The following PYGB variants were observed in gnomAD, a reference collection of about 807,000 sequenced individuals.
The protein encoded by PYGB is glycogen phosphorylase, brain form.
A neutral mutation model predicts 94.3 loss-of-function variants in PYGB; 82 were observed. The observed-to-expected ratio is 0.87, with a 90% CI of 0.73 to 1.04. PYGB has a LOEUF of 1.04. Among genes scored for constraint, PYGB ranks in the 50% least tolerant of loss-of-function variants. The probability of loss-of-function intolerance (pLI) is 0.00; values close to 1 mark genes in which losing one functional copy is unlikely to be tolerated. For synonymous variants in PYGB, 488 were observed against 479.1 expected (o/e 1.02, Z -0.24); for missense variants, 1,132 against 1,158.2 (o/e 0.98, Z 0.33).
intron 13 of PYGB, among the ~76,000 whole-genome samples, chr20:25,283,591 C>T (rs955007323): frequency 3.3e-5 from 5 of 152,232 alleles, no homozygotes; most frequent in Non-Finnish European, 5.9e-5. Flanking sequence ...CTCTAGAAGC[C>T]GATTCCAGCG....
rs750606784 is a variant in PYGB at position 25,280,407 on chromosome 20, C to T, written c.1234C>T (p.Leu412=). The T allele has an allele frequency of 1.9e-6, 3 of 1,613,954 alleles. No individual in the cohort carries two copies. Among genetic ancestry groups the T allele is most frequent in the African/African-American group, 1.3e-5 (1 of 74,948 alleles). The change falls in exon 10 of 20, where the codon CTG becomes TTG. Residue 412 remains leucine, a synonymous_variant. Transcript: ENST00000216962. ...EIIYAINQRH[L]DHVAALFPGD... ...AATCTATGCCATCAACCAGCGGCAC[C>T]TGGACGTGAGTGTGGGCCCAGCTGG... is the stretch of plus-strand genomic sequence containing the variant.
At chr20:25,292,647 TGAG>T (rs1439642368) in intron 17 of PYGB, 34 bp downstream of exon 17, 3 of 1,598,500 alleles carry the variant, frequency 1.9e-6, no homozygotes, top group East Asian at 2.2e-5. Flanking sequence ...CCTGGCACCG[TGAG>T]GATGGAGAAT....
chr20:25,268,161 G>GCCCCCCCCCC (rs11471520), intron 2 of PYGB, among the ~76,000 whole-genome samples: 1 of 62,036 alleles, frequency 1.6e-5, no homozygotes, highest in African/African-American at 6.4e-5. Flanking sequence ...CCTAGCACCC[G>GCCCCCCCCCC]CCCCCCCCCC....
At chr20:25,280,005 T>G (rs2261720) in intron 9 of PYGB, among the ~76,000 whole-genome samples, 68,926 of 152,168 alleles carry the variant, frequency 0.45, 16,224 homozygotes, top group East Asian at 0.92. Context: ...TAGCAGGCGA[T>G]TGTGTCTTAT....
intron 1 of PYGB, among the ~76,000 whole-genome samples, chr20:25,254,242 A>AC (rs1196294839): frequency 5.9e-5 from 9 of 152,200 alleles, no homozygotes. Flanking sequence ...TTTCAGTGTC[A>AC]CCAGCTGTCC....
At chr20:25,288,658 G>A (rs1287127737) in intron 15 of PYGB, 175 bp downstream of exon 15, 18 of 716,280 alleles carry the variant, frequency 2.5e-5, no homozygotes, top group Middle Eastern at 3.3e-4. Context: ...AGTCAGAATG[G>A]GATGGAAGCC....
Position 25,272,000 on chromosome 20 carries a change from T to A in PYGB, c.528+514T>A, listed in dbSNP as rs2088272307. 2.0e-5 allele frequency among the ~76,000 whole-genome samples: 3 copies of A among 152,158 alleles called. No homozygotes were observed. The South Asian group carries it at 6.2e-4, about 32-fold the overall frequency. On this transcript the variant is annotated intron_variant, in intron 4 of 19. Transcript: ENST00000216962. ...AGAGGCTGGACTCTGCATAGTACAG[T>A]GGCCCTTGGAAGGAGTGAGCCTCGA...
At chr20:25,258,513 T>C (rs1271814466) in intron 1 of PYGB, among the ~76,000 whole-genome samples, 2 of 152,232 alleles carry the variant, frequency 1.3e-5, no homozygotes. Context: ...TGCCCACTGA[T>C]CTTAGCATTC....
At chr20:25,279,675 T>TA (rs2088348072) in intron 9 of PYGB, among the ~76,000 whole-genome samples, 1 of 151,864 alleles carries the variant, frequency 6.6e-6, no homozygotes, top group Non-Finnish European at 1.5e-5. Context: ...GCCTGGGCAA[T>TA]ACAGCAAGAC....
intron 5 of PYGB, among the ~76,000 whole-genome samples, 154 bp downstream of exon 5, chr20:25,274,877 C>G (rs1477493319): frequency 6.6e-6 from 1 of 152,220 alleles, no homozygotes; most frequent in Non-Finnish European, 1.5e-5. Flanking sequence ...ATTCTCCTCA[C>G]TCCCCAGTCT....
intron 4 of PYGB, among the ~76,000 whole-genome samples, chr20:25,273,654 G>A (rs553133129): frequency 6.6e-6 from 1 of 152,276 alleles, no homozygotes; most frequent in South Asian, 2.1e-4. Flanking sequence ...CGCTTTTAGT[G>A]TGGGGGTTGG....
intron 18 of PYGB, chr20:25,294,875 G>T: frequency 7.2e-7 from 1 of 1,380,962 alleles, no homozygotes; most frequent in Non-Finnish European, 1.0e-6. Flanking sequence ...AATCCGGCGA[G>T]GGCTGGGAAT....
intron 13 of PYGB, among the ~76,000 whole-genome samples, chr20:25,283,706 C>CAGCG (rs969437623): frequency 1.3e-5 from 2 of 151,926 alleles, no homozygotes; most frequent in Non-Finnish European, 2.9e-5. Flanking sequence ...CTTCAAACCT[C>CAGCG]AGCGGGCTGG....
At chr20:25,263,309 C>T (rs1056420566) in intron 2 of PYGB, among the ~76,000 whole-genome samples, 5 of 151,594 alleles carry the variant, frequency 3.3e-5, no homozygotes, top group African/African-American at 1.2e-4. Flanking sequence ...AGGATTAAGA[C>T]ACTCACTCAA....
Position 25,284,252 on chromosome 20 carries a change from G to C in PYGB, c.1768+1G>C. 1.2e-6 allele frequency: 2 copies of C among 1,612,636 alleles called. No individual in the cohort carries two copies. Among genetic ancestry groups the C allele is most frequent in the Non-Finnish European group, 1.7e-6 (2 of 1,179,180 alleles). ...CTGCACGTCGTCACCCTGTACAATCGTGAGTGCCGGCATCACCTGCATGAC... is the reference window on the plus strand; with the variant it reads ...CTGCACGTCGTCACCCTGTACAATCCTGAGTGCCGGCATCACCTGCATGAC... On this transcript the variant is annotated splice_donor_variant, in intron 14 of 19. Coordinates refer to ENST00000216962, the MANE Select transcript of PYGB (RefSeq NM_002862.4). LOFTEE classifies it high-confidence loss of function.
At chr20:25,250,092 G>T (rs951178886) in intron 1 of PYGB, among the ~76,000 whole-genome samples, 1 of 152,060 alleles carries the variant, frequency 6.6e-6, no homozygotes, top group Admixed American at 6.6e-5. Flanking sequence ...CTCGTGATCC[G>T]CCCGCCTCGG....
intron 18 of PYGB, chr20:25,294,992 A>C (rs755577947): frequency 1.2e-6 from 2 of 1,614,196 alleles, no homozygotes; most frequent in Non-Finnish European, 1.7e-6. Context: ...CTCTGACCAC[A>C]TGCTGGGATC....
In PYGB at chr20:25,248,537, C is replaced by G. The variant is rs1364842775; in HGVS notation, c.243+116C>G. 4 of 1,204,914 alleles carry G rather than the reference C, an allele frequency of 3.3e-6. No homozygotes were observed. In the African/African-American group the frequency reaches 6.3e-5, roughly 19 times the overall value. The allele number at this position is 1,204,914 out of a possible 1,614,324, so 74.6% of individuals were successfully genotyped here. A position where few individuals can be genotyped will look rare whatever the true frequency, so the allele number is the denominator to read the frequency against. On this transcript the variant is annotated intron_variant, in intron 1 of 19. Transcript: ENST00000216962. ...GTCGGGCGTTACCTGCGCCCCTAGC[C>G]GGCCGGCGGCCAGGCACAGCCGACT...
At chr20:25,260,381 T>C (rs1391311917) in intron 2 of PYGB, among the ~76,000 whole-genome samples, 1 of 152,354 alleles carries the variant, frequency 6.6e-6, no homozygotes, top group East Asian at 1.9e-4. Flanking sequence ...TTTTAGGGAA[T>C]AGTTTGCCTC....
Sources: gnomAD v4.1 joint callset for allele counts (sites outside exome capture counted in the v4.1 genomes callset) on GRCh38, gnomAD v4.1.1 for gene constraint, MANE v1.5 for transcripts, NCBI Gene and HGNC (gene_info 2026-07-23, HGNC 2026-07-21) for gene names.